COL6A6: variants seen among roughly 807,000 people sequenced by gnomAD.
The protein encoded by COL6A6 is collagen alpha-6(VI) chain.
Under a neutral mutation model 208.6 loss-of-function variants are expected in COL6A6, and 183 were observed. The ratio of observed to expected loss-of-function variants is 0.88; its 90% CI spans 0.78 to 0.99. The LOEUF is 0.99. COL6A6 is among the 50% of genes least tolerant of loss of function. The pLI, the probability that COL6A6 is intolerant of heterozygous loss-of-function variation, is 0.00. For missense variants in COL6A6, 2,816 were observed against 2,815.2 expected, an observed-to-expected ratio of 1.00 and a Z score of -0.01; for synonymous variants, 973 against 1,011.8, an observed-to-expected ratio of 0.96 and a Z score of 0.73.
chr3:130,571,530 T>C (rs753143360), intron 7 of COL6A6, 137 bp downstream of exon 7: 80 of 611,150 alleles, frequency 1.3e-4, no homozygotes, highest in Non-Finnish European at 2.0e-4. Context: ...ACTTTCTATA[T>C]TATAAAATCT....
intron 34 of COL6A6, among the ~76,000 whole-genome samples, chr3:130,659,944 T>G (rs1425543634): frequency 6.6e-6 from 1 of 152,240 alleles, no homozygotes; most frequent in Non-Finnish European, 1.5e-5. Context: ...CTCCTTCTCT[T>G]GACTGCACAG....
intron 22 of COL6A6, among the ~76,000 whole-genome samples, chr3:130,609,975 T>TA (rs36060264): frequency 1.1e-4 from 16 of 141,304 alleles, no homozygotes; most frequent in East Asian, 4.4e-4. Context: ...TTTTTTTTTT[T>TA]AACCTTCAAG....
At chr3:130,589,961 C>T (rs531495049) in intron 12 of COL6A6, 37 of 442,354 alleles carry the variant, frequency 8.4e-5, no homozygotes, top group South Asian at 6.0e-4. Context: ...TAATTATTTC[C>T]TGAATGTTTC....
At chr3:130,593,424 G>A (rs1201477050) in intron 17 of COL6A6, among the ~76,000 whole-genome samples, 172 bp downstream of exon 17, 3 of 152,124 alleles carry the variant, frequency 2.0e-5, no homozygotes, top group South Asian at 2.1e-4. Flanking sequence ...GGGTTCAGCC[G>A]ATTGAGGCTG....
At chr3:130,590,280 TATATATATATATATA>T (rs2063651463) in intron 12 of COL6A6, among the ~76,000 whole-genome samples, 1 of 22,402 alleles carries the variant, frequency 4.5e-5, no homozygotes, top group Non-Finnish European at 9.8e-5. Flanking sequence ...TATATATATA[TATATATATATATATA>T]TATATTTTTT....
chr3:130,571,153 C>CT lies in COL6A6; in HGVS notation c.2737_2738insT (p.Gln913LeufsTer13), dbSNP rs1408760789. 10 of 1,613,406 alleles carry CT rather than the reference C, an allele frequency of 6.2e-6. No individual in the cohort carries two copies. Among genetic ancestry groups the CT allele is most frequent in the Non-Finnish European group, 8.5e-6 (10 of 1,179,562 alleles). ...CAGCCGCCTGAACAAGGGGGTCCCC[C>CT]AAGTCCTCATTGTGATCACCGATGG... On this transcript the variant is annotated frameshift_variant, in exon 7 of 37. Coordinates refer to ENST00000358511, the MANE Select transcript of COL6A6 (RefSeq NM_001102608.3). LOFTEE classifies it high-confidence loss of function.
At chr3:130,532,585 C>T (rs1164768749) in intron 1 of COL6A6, among the ~76,000 whole-genome samples, 2 of 152,246 alleles carry the variant, frequency 1.3e-5, no homozygotes, top group Non-Finnish European at 2.9e-5. Flanking sequence ...ACATGTCCAT[C>T]TGCCTGTGGG....
chr3:130,673,928 G>A (rs1305702108), intron 36 of COL6A6, among the ~76,000 whole-genome samples: 1 of 152,134 alleles, frequency 6.6e-6, no homozygotes, highest in Non-Finnish European at 1.5e-5. Context: ...CTGCACTCCA[G>A]CCTGGGAGAC....
At chr3:130,613,430 T>G (rs1018175322) in intron 23 of COL6A6, among the ~76,000 whole-genome samples, 3 of 152,256 alleles carry the variant, frequency 2.0e-5, no homozygotes, top group Non-Finnish European at 2.9e-5. Context: ...GTAATATAGT[T>G]TGAAGTCACA....
chr3:130,656,333 GTGAC>G (rs1012954324), intron 33 of COL6A6, among the ~76,000 whole-genome samples: 3 of 152,174 alleles, frequency 2.0e-5, no homozygotes, highest in Non-Finnish European at 4.4e-5. Flanking sequence ...GCTTTATTGA[GTGAC>G]AGAACAGCTC....
Position 130,565,513 on chromosome 3 carries a change from C to G in COL6A6, c.1181C>G (p.Ala394Gly). 6.2e-7 allele frequency: 1 copy of G among 1,614,026 alleles called. No homozygotes were observed. Among genetic ancestry groups the G allele is most frequent in the Middle Eastern group, 1.6e-4 (1 of 6,062 alleles). The change falls in exon 4 of 37, where the codon GCT becomes GGT. Residue 394 changes from alanine (A) to glycine (G), a missense_variant. Ala to Gly is a moderately conservative substitution (Grantham distance 60). Coordinates refer to ENST00000358511, the MANE Select transcript of COL6A6 (RefSeq NM_001102608.3). ...EQYVSKLKTF[A>G]DLAAHNQTFL... ...TATGTCTCCAAACTGAAGACCTTCGCTGACCTGGCTGCTCACAACCAGACA... is the reference window on the plus strand; with the variant it reads ...TATGTCTCCAAACTGAAGACCTTCGGTGACCTGGCTGCTCACAACCAGACA...
intron 36 of COL6A6, among the ~76,000 whole-genome samples, chr3:130,665,957 G>C (rs1236167443): frequency 6.6e-6 from 1 of 152,112 alleles, no homozygotes; most frequent in Non-Finnish European, 1.5e-5. Flanking sequence ...CTCCTGAGGG[G>C]ATGCAGTGGG....
At chr3:130,568,639 G>T (rs780771613) in intron 6 of COL6A6, 35 bp downstream of exon 6, 1 of 1,493,810 alleles carries the variant, frequency 6.7e-7, no homozygotes, top group Non-Finnish European at 9.0e-7. Flanking sequence ...AGGACTATCC[G>T]AACAACAGAT....
In COL6A6 at chr3:130,593,222, A is replaced by G; in HGVS notation, c.4440A>G (p.Arg1480=). ...AGGGTGATAATGGTCTTCCTGGAAG[A>G]AAAGGAGAAAAGGGAGATGAGGGAT... The part of the protein sequence containing the change: ...GEQGDNGLPG[R]KGEKGDEGSQ... The change falls in exon 17 of 37, where the codon AGA becomes AGG. Residue 1480 remains arginine, a synonymous_variant. Transcript: ENST00000358511. 1.9e-6 allele frequency: 3 copies of G among 1,612,876 alleles called. No homozygotes were observed. Among genetic ancestry groups the G allele is most frequent in the Non-Finnish European group, 2.5e-6 (3 of 1,178,904 alleles).
chr3:130,582,070 T>A lies in COL6A6; in HGVS notation c.3970+2T>A, dbSNP rs766348311. The A allele has an allele frequency of 1.7e-5, 26 of 1,564,320 alleles. 1 individual carries two copies. The South Asian group carries it at 2.2e-4, about 13-fold the overall frequency. On this transcript the variant is annotated splice_donor_variant, in intron 10 of 36. Transcript: ENST00000358511. LOFTEE classifies it high-confidence loss of function. ...AATCTGATGAACTTAGAAAAGAAGG[T>A]ACTGAGTATGGAGAAGTGGGAAGGG...
At chr3:130,559,931 T>G (rs2062843577) in intron 1 of COL6A6, among the ~76,000 whole-genome samples, 1 of 152,196 alleles carries the variant, frequency 6.6e-6, no homozygotes, top group Non-Finnish European at 1.5e-5. Flanking sequence ...CACCTACATA[T>G]TCATGATGGC....
intron 35 of COL6A6, among the ~76,000 whole-genome samples, chr3:130,664,517 GT>G (rs1161220184): frequency 2.6e-5 from 4 of 152,176 alleles, no homozygotes. Context: ...ATGCTTCATT[GT>G]TATGAAAAAT....
At chr3:130,560,295 A>T in intron 1 of COL6A6, 39 bp from the exon 2 acceptor site, 1 of 1,308,736 alleles carries the variant, frequency 7.6e-7, no homozygotes, top group Non-Finnish European at 1.1e-6. Flanking sequence ...ATTCCCAAAT[A>T]ATATCCACAA....
intron 33 of COL6A6, 35 bp from the exon 34 acceptor site, chr3:130,658,641 C>A: frequency 7.1e-7 from 1 of 1,417,344 alleles, no homozygotes; most frequent in Non-Finnish European, 9.9e-7. Context: ...CAGCCCTACC[C>A]ACTAAGTTCT....
Sources: gnomAD v4.1 joint callset for allele counts (sites outside exome capture counted in the v4.1 genomes callset) on GRCh38, gnomAD v4.1.1 for gene constraint, MANE v1.5 for transcripts, NCBI Gene and HGNC (gene_info 2026-07-23, HGNC 2026-07-21) for gene names.